Variants in GNA14 observed in about 807,000 individuals in gnomAD.
The protein encoded by GNA14 is G protein subunit alpha 14, also known as guanine nucleotide-binding protein subunit alpha-14.
In GNA14, 50 loss-of-function variants were observed where a neutral mutation model predicts 42.0. The observed-to-expected ratio is 1.19, with a 90% CI of 0.95 to 1.51. The LOEUF is 1.51. Among genes scored for constraint, GNA14 ranks in the 40% most tolerant of loss-of-function variants. The pLI is 0.00. For synonymous variants in GNA14, 173 were observed against 163.1 expected, an observed-to-expected ratio of 1.06 and a Z score of -0.46; for missense variants, 473 against 446.2, an observed-to-expected ratio of 1.06 and a Z score of -0.54.
intron 1 of GNA14, among the ~76,000 whole-genome samples, chr9:77,612,364 C>A (rs1037398709): frequency 4.6e-5 from 7 of 152,168 alleles, no homozygotes; most frequent in African/African-American, 1.7e-4. Context: ...CCTCTAAGAT[C>A]CTTTTCCAGA....
chr9:77,618,200 T>C (rs1327867715), intron 1 of GNA14, among the ~76,000 whole-genome samples: 1 of 152,142 alleles, frequency 6.6e-6, no homozygotes, highest in Non-Finnish European at 1.5e-5. Context: ...AAATCTTCTC[T>C]CATAGCACAC....
intron 2 of GNA14, among the ~76,000 whole-genome samples, chr9:77,527,276 T>C (rs1837454500): frequency 6.6e-6 from 1 of 152,200 alleles, no homozygotes; most frequent in Admixed American, 6.5e-5. Flanking sequence ...ACTGTACCTT[T>C]TCAAAAAGAT....
chr9:77,624,687 G>A (rs953224830), intron 1 of GNA14, among the ~76,000 whole-genome samples: 1 of 152,178 alleles, frequency 6.6e-6, no homozygotes, highest in African/African-American at 2.4e-5. Flanking sequence ...GGGCCTGACT[G>A]TTAGAAAGAA....
chr9:77,446,966 A>T (rs971615204), intron 2 of GNA14, among the ~76,000 whole-genome samples: 5 of 146,184 alleles, frequency 3.4e-5, no homozygotes, highest in Admixed American at 1.4e-4. Flanking sequence ...TTCATGTACA[A>T]TTTTTTTTTT....
chr9:77,527,061 C>G (rs1040939278), intron 2 of GNA14, among the ~76,000 whole-genome samples: 2 of 152,212 alleles, frequency 1.3e-5, no homozygotes, highest in African/African-American at 4.8e-5. Flanking sequence ...CTCAGTGGGT[C>G]TGTTTACAAA....
intron 2 of GNA14, among the ~76,000 whole-genome samples, chr9:77,482,271 C>T (rs1487028581): frequency 6.6e-6 from 1 of 152,116 alleles, no homozygotes; most frequent in Admixed American, 6.5e-5. Flanking sequence ...TCAGCATTTG[C>T]TTGTCTGTAA....
intron 2 of GNA14, among the ~76,000 whole-genome samples, chr9:77,437,605 C>T (rs1224052140): frequency 7.2e-6 from 1 of 139,672 alleles, no homozygotes; most frequent in South Asian, 2.3e-4. Flanking sequence ...GGAAGCAAAG[C>T]AAAGGAAAGG....
At chr9:77,578,464 T>C (rs941431895) in intron 1 of GNA14, among the ~76,000 whole-genome samples, 4 of 152,182 alleles carry the variant, frequency 2.6e-5, no homozygotes, top group Non-Finnish European at 5.9e-5. Flanking sequence ...TTGTTTGATA[T>C]TGTGCTTCCA....
At chr9:77,499,999 T>G (rs1311491170) in intron 2 of GNA14, among the ~76,000 whole-genome samples, 1 of 152,088 alleles carries the variant, frequency 6.6e-6, no homozygotes, top group Admixed American at 6.6e-5. Flanking sequence ...TTTGGGATCT[T>G]GGTGCAAATT....
intron 2 of GNA14, among the ~76,000 whole-genome samples, chr9:77,484,122 A>C (rs1056089788): frequency 5.3e-5 from 8 of 152,248 alleles, no homozygotes; most frequent in Admixed American, 3.9e-4. Context: ...AGAAGAAATA[A>C]CAACTGGAAC....
chr9:77,597,782 C>T (rs1362269388), intron 1 of GNA14, among the ~76,000 whole-genome samples: 2 of 151,888 alleles, frequency 1.3e-5, no homozygotes, highest in Non-Finnish European at 2.9e-5. Context: ...ACTTTTAGGC[C>T]GGGCATGGTG....
At chr9:77,563,954 T>A (rs1333956686) in intron 1 of GNA14, among the ~76,000 whole-genome samples, 1 of 152,214 alleles carries the variant, frequency 6.6e-6, no homozygotes, top group Non-Finnish European at 1.5e-5. Context: ...TGGATGGCAA[T>A]GGATTAGGAA....
At chr9:77,430,122 G>A (rs1036281597) in intron 4 of GNA14, among the ~76,000 whole-genome samples, 1 of 152,206 alleles carries the variant, frequency 6.6e-6, no homozygotes, top group African/African-American at 2.4e-5. Flanking sequence ...TCACAGCAGG[G>A]AACCGATCTT....
intron 1 of GNA14, among the ~76,000 whole-genome samples, chr9:77,640,662 A>G (rs967896453): frequency 5.9e-5 from 9 of 152,036 alleles, no homozygotes; most frequent in African/African-American, 2.2e-4. Context: ...TTGATTCTTT[A>G]GGTACTTGGA....
At chr9:77,525,779 A>C (rs2120396) in intron 2 of GNA14, among the ~76,000 whole-genome samples, 126,722 of 151,440 alleles carry the variant, frequency 0.84, 53,366 homozygotes, top group African/African-American at 0.92. Flanking sequence ...ACCTTGTAAT[A>C]TGCCTGCCTC....
intron 1 of GNA14, among the ~76,000 whole-genome samples, chr9:77,630,103 T>G (rs1824074119): frequency 7.6e-6 from 1 of 131,218 alleles, no homozygotes; most frequent in African/African-American, 3.8e-5. Context: ...TTTGTGGGGT[T>G]TGTTTTTTGT....
At chr9:77,583,089 C>G (rs115033215) in intron 1 of GNA14, among the ~76,000 whole-genome samples, 6,248 of 152,296 alleles carry the variant, frequency 0.041, 128 homozygotes, top group South Asian at 0.065. Context: ...GCAGCACTCA[C>G]TGGTGCAAAG....
chr9:77,636,963 A>G (rs187395380), intron 1 of GNA14, among the ~76,000 whole-genome samples: 2 of 152,362 alleles, frequency 1.3e-5, no homozygotes, highest in Non-Finnish European at 2.9e-5. Context: ...TAATAGAAGC[A>G]TAACTACCTA....
intron 2 of GNA14, among the ~76,000 whole-genome samples, chr9:77,449,330 C>T (rs1564017363): frequency 2.0e-5 from 3 of 152,160 alleles, no homozygotes; most frequent in South Asian, 2.1e-4. Context: ...TTAAGTGATG[C>T]GTGACTGTAT....
Sources: gnomAD v4.1 joint callset for allele counts (sites outside exome capture counted in the v4.1 genomes callset) on GRCh38, gnomAD v4.1.1 for gene constraint, MANE v1.5 for transcripts, NCBI Gene and HGNC (gene_info 2026-07-23, HGNC 2026-07-21) for gene names.